SMG1: variants seen among roughly 807,000 people sequenced by gnomAD.
SMG1 encodes the protein SMG1 nonsense mediated mRNA decay associated PI3K related kinase.
In SMG1, 22 loss-of-function variants were observed where a neutral mutation model predicts 419.9. The ratio of observed to expected loss-of-function variants is 0.05; its 90% CI spans 0.04 to 0.07. The LOEUF (loss-of-function observed/expected upper bound fraction) is 0.07, where lower values mean the gene tolerates loss of function less well. Ranked by LOEUF, SMG1 falls within the 10% of genes least tolerant of loss-of-function variation. The pLI is 1.00. For missense variants in SMG1, 3,185 were observed against 4,342.0 expected, an observed-to-expected ratio of 0.73 and a Z score of 7.49; for synonymous variants, 1,538 against 1,553.5, an observed-to-expected ratio of 0.99 and a Z score of 0.23.
chr16:18,849,292 G>T lies in SMG1; in HGVS notation c.5548C>A (p.Gln1850Lys), dbSNP rs746823660. ...SICNLLCRVAQDSPHLILYPA... is the reference protein window; with the variant it reads ...SICNLLCRVAKDSPHLILYPA... ...TACAATATGAGATGTGGGGAATCTT[G>T]AGCCACACGGCAGAGAAGGTTACAA... The change falls in exon 36 of 63, where the codon CAA (glutamine) becomes AAA (lysine). Residue 1850 changes from glutamine (Q) to lysine (K), a missense_variant. This residue lies in a region of SMG1 where 130 missense variants were observed against 162.0 expected (regional missense o/e 0.80). Coordinates refer to ENST00000446231, the MANE Select transcript of SMG1 (RefSeq NM_015092.5). The T allele has an allele frequency of 4.3e-6, 7 of 1,613,744 alleles. No individual in the cohort carries two copies. The East Asian group carries it at 1.6e-4, about 36-fold the overall frequency.
intron 10 of SMG1, among the ~76,000 whole-genome samples, chr16:18,880,734 G>GGT (rs2036351637): frequency 7.5e-6 from 1 of 133,050 alleles, no homozygotes; most frequent in Admixed American, 7.6e-5. Context: ...GGGGGGGCGC[G>GGT]GAGGGGGAAG....
Position 18,916,472 on chromosome 16 carries a change from T to TGC in SMG1, c.92+9476_92+9477dup, listed in dbSNP as rs1256860184. On this transcript the variant is annotated intron_variant, in intron 1 of 62. Coordinates refer to ENST00000446231, the MANE Select transcript of SMG1 (RefSeq NM_015092.5). The stretch of plus-strand genomic sequence containing the variant: ...TGGAGCCTGCAGTGAGCCGAGATCC[T>TGC]GCCACTGCACTCCAGCGTGGGCGAC... Among the ~76,000 whole-genome samples, 10 of 131,328 alleles carry TGC rather than the reference T, an allele frequency of 7.6e-5. No individual in the cohort carries two copies. The East Asian group carries it at 2.1e-3, about 27-fold the overall frequency. 86.2% of individuals were successfully genotyped at this position (131,328 alleles called of 152,430 possible). A position where few individuals can be genotyped will look rare whatever the true frequency, so the allele number is the denominator to read the frequency against.
intron 5 of SMG1, 40 bp downstream of exon 5, chr16:18,890,823 T>C (rs780217187): frequency 5.0e-6 from 6 of 1,203,782 alleles, no homozygotes; most frequent in South Asian, 1.2e-5. Flanking sequence ...TAAAAATATA[T>C]TTTAAAGTCA....
intron 1 of SMG1, among the ~76,000 whole-genome samples, chr16:18,904,181 C>A (rs1406340927): frequency 1.3e-5 from 2 of 150,722 alleles, no homozygotes; most frequent in Admixed American, 6.6e-5. Context: ...TCGTGATCCA[C>A]CCACCTTGGC....
intron 1 of SMG1, among the ~76,000 whole-genome samples, chr16:18,914,371 A>G (rs2037895118): frequency 6.6e-6 from 1 of 152,074 alleles, no homozygotes; most frequent in Non-Finnish European, 1.5e-5. Context: ...GTAATTCAGT[A>G]TGTTTAGAAA....
At position 18,811,992 on chromosome 16, in the gene SMG1, G is replaced by A. The variant is rs201156254; in HGVS notation, c.10757C>T (p.Ala3586Val). The change falls in exon 61 of 63, where the codon GCT (alanine) becomes GTT (valine). Residue 3586 changes from alanine to valine, a missense_variant. Ala to Val is a moderately conservative substitution (Grantham distance 64). This residue lies in a region of SMG1 where 737 missense variants were observed against 846.6 expected (regional missense o/e 0.87). Coordinates refer to ENST00000446231, the MANE Select transcript of SMG1 (RefSeq NM_015092.5). ...STVPGTGKSVACSPKKAVRDP... is the reference protein window; with the variant it reads ...STVPGTGKSVVCSPKKAVRDP... ...TCTGACTGCCTTTTTAGGACTACAA[G>A]CAACACTCTTGCCAGTTCCTGGAAC... is the stretch of plus-strand genomic sequence containing the variant. 3.1e-6 allele frequency: 5 copies of A among 1,613,844 alleles called. No homozygotes were observed. In the South Asian group the frequency reaches 3.3e-5, roughly 11 times the overall value.
At chr16:18,871,213 A>G (rs2141599979) in intron 16 of SMG1, 151 bp downstream of exon 16, 1 of 550,190 alleles carries the variant, frequency 1.8e-6, no homozygotes, top group African/African-American at 1.9e-5. Flanking sequence ...TAAGAATGAA[A>G]AAAAATCAAG....
intron 5 of SMG1, among the ~76,000 whole-genome samples, chr16:18,889,905 T>TA (rs1293675713): frequency 6.6e-6 from 1 of 152,202 alleles, no homozygotes; most frequent in African/African-American, 2.4e-5. Context: ...AATAATTAGA[T>TA]AAAACACACT....
intron 29 of SMG1, 31 bp downstream of exon 29, chr16:18,858,139 T>G: frequency 6.6e-7 from 1 of 1,523,662 alleles, no homozygotes; most frequent in Non-Finnish European, 8.8e-7. Context: ...ACACCTTTAA[T>G]TTTCTCTTAC....
chr16:18,861,111 C>G (rs2035194767), intron 25 of SMG1: 1 of 182,298 alleles, frequency 5.5e-6, no homozygotes, highest in African/African-American at 2.5e-5. Flanking sequence ...TGCAGGACAA[C>G]TTTGACACCC....
At chr16:18,820,109 G>A (rs1220274336) in intron 55 of SMG1, among the ~76,000 whole-genome samples, 2 of 152,134 alleles carry the variant, frequency 1.3e-5, no homozygotes, top group African/African-American at 4.8e-5. Flanking sequence ...GGGACTACAG[G>A]CACCTGCCAT....
At chr16:18,829,870 C>A in intron 53 of SMG1, 56 bp downstream of exon 53, 1 of 1,447,400 alleles carries the variant, frequency 6.9e-7, no homozygotes, top group Non-Finnish European at 9.2e-7. Flanking sequence ...CTCTATCCTG[C>A]CCCCTTCCAT....
intron 49 of SMG1, among the ~76,000 whole-genome samples, 165 bp downstream of exon 49, chr16:18,834,727 C>A (rs1003466394): frequency 1.3e-5 from 2 of 152,132 alleles, no homozygotes; most frequent in Admixed American, 1.3e-4. Context: ...GCCTCAGTGT[C>A]AAGAGTGAGA....
intron 42 of SMG1, 40 bp downstream of exon 42, chr16:18,839,657 GA>G: frequency 6.2e-7 from 1 of 1,603,506 alleles, no homozygotes; most frequent in Non-Finnish European, 8.5e-7. Context: ...GCAGGCAAAA[GA>G]AATACTACTA....
At position 18,853,750 on chromosome 16, in the gene SMG1, G is replaced by C; in HGVS notation, c.4601C>G (p.Ala1534Gly). Residue 1534 changes from alanine to glycine, a missense_variant, in exon 31 of 63, where the codon GCA becomes GGA. Physicochemically the swap from Ala to Gly is moderately conservative, Grantham distance 60. Coordinates refer to ENST00000446231, the MANE Select transcript of SMG1 (RefSeq NM_015092.5). The stretch of plus-strand genomic sequence containing the variant: ...CTGTCCTGAAATCTCTTTCCATTCT[G>C]CCTGGATCCATTTAGCCAGTGTCAG... ...SILTLAKWIQ[A>G]EWKEISGQLK... 6.2e-7 allele frequency: 1 copy of C among 1,613,924 alleles called. No individual in the cohort carries two copies. Among genetic ancestry groups the C allele is most frequent in the Non-Finnish European group, 8.5e-7 (1 of 1,179,864 alleles).
chr16:18,895,434 G>C (rs929953638), intron 3 of SMG1, among the ~76,000 whole-genome samples: 3 of 151,646 alleles, frequency 2.0e-5, no homozygotes, highest in African/African-American at 7.3e-5. Context: ...AGCAGAGATT[G>C]CAGCACTGTG....
chr16:18,810,750 A>C (rs1436079219), intron 62 of SMG1, among the ~76,000 whole-genome samples: 1 of 152,220 alleles, frequency 6.6e-6, no homozygotes, highest in African/African-American at 2.4e-5. Context: ...GTATTACAAC[A>C]ATGTTAAGTT....
intron 1 of SMG1, among the ~76,000 whole-genome samples, chr16:18,920,114 G>A (rs1334814278): frequency 6.6e-6 from 1 of 151,922 alleles, no homozygotes; most frequent in Non-Finnish European, 1.5e-5. Flanking sequence ...GGGTGCAGTG[G>A]CACACACCTG....
At position 18,895,943 on chromosome 16, in the gene SMG1, G is replaced by T. The variant is rs529898802; in HGVS notation, c.412+109C>A. On this transcript the variant is annotated intron_variant, in intron 3 of 62. Coordinates refer to ENST00000446231, the MANE Select transcript of SMG1 (RefSeq NM_015092.5). ...TAAACAATTTTTACCTGCACAGTAG[G>T]CTAATCAACTTATGCCTGTGCAAGG... is the stretch of plus-strand genomic sequence containing the variant. 8 of 1,122,268 alleles carry T rather than the reference G, an allele frequency of 7.1e-6. No individual in the cohort carries two copies. The African/African-American group carries it at 1.1e-4, about 15-fold the overall frequency. 69.5% of individuals were successfully genotyped at this position (1,122,268 alleles called of 1,614,324 possible).
Sources: allele counts gnomAD v4.1 joint callset (sites outside exome capture counted in the v4.1 genomes callset), GRCh38; gene constraint gnomAD v4.1.1; regional missense constraint gnomAD v4.1.1; transcripts MANE v1.5; gene names NCBI Gene and HGNC (gene_info 2026-07-23, HGNC 2026-07-21).